The following PARP8 variants were observed in gnomAD, a reference collection of about 807,000 sequenced individuals.
The protein encoded by PARP8 is protein mono-ADP-ribosyltransferase PARP8.
In PARP8, 51 loss-of-function variants were observed where a neutral mutation model predicts 124.1. That is an observed-to-expected ratio of 0.41 (90% CI 0.33 to 0.52). PARP8 has a LOEUF of 0.52. PARP8 is among the 20% of genes least tolerant of loss of function. The pLI, the probability that PARP8 is intolerant of heterozygous loss-of-function variation, is 0.21. For missense variants in PARP8, 860 were observed against 1,018.9 expected, an observed-to-expected ratio of 0.84 and a Z score of 2.12; for synonymous variants, 391 against 361.5, an observed-to-expected ratio of 1.08 and a Z score of -0.93.
intron 22 of PARP8, 97 bp downstream of exon 22, chr5:50,830,058 A>G: frequency 2.4e-6 from 3 of 1,273,496 alleles, no homozygotes; most frequent in South Asian, 2.7e-5. Flanking sequence ...GCCTTATTAG[A>G]TATATTTTTA....
At chr5:50,768,011 ATGTGTGTG>A (rs371344583) in intron 7 of PARP8, among the ~76,000 whole-genome samples, 7 of 149,946 alleles carry the variant, frequency 4.7e-5, no homozygotes, top group Admixed American at 3.3e-4. Context: ...ATATACATAT[ATGTGTGTG>A]TGTGTGTGTG....
intron 25 of PARP8, among the ~76,000 whole-genome samples, chr5:50,836,359 A>G (rs564190763): frequency 1.1e-4 from 16 of 152,330 alleles, no homozygotes; most frequent in African/African-American, 3.8e-4. Context: ...GAATCCAAAC[A>G]AGAAACAGAT....
chr5:50,833,590 A>G (rs574712088), intron 23 of PARP8, among the ~76,000 whole-genome samples: 1 of 152,276 alleles, frequency 6.6e-6, no homozygotes, highest in Admixed American at 6.5e-5. Context: ...GCTATTAAAA[A>G]AATGGGTTGG....
At chr5:50,828,516 G>A (rs1485367156) in intron 21 of PARP8, 132 bp downstream of exon 21, 52 of 742,936 alleles carry the variant, frequency 7.0e-5, no homozygotes, top group East Asian at 6.6e-4. Context: ...ATTTCTAGTA[G>A]GCATACTAGA....
intron 2 of PARP8, among the ~76,000 whole-genome samples, chr5:50,727,283 C>T (rs940952401): frequency 2.0e-5 from 3 of 152,126 alleles, no homozygotes; most frequent in African/African-American, 7.2e-5. Flanking sequence ...TGAGTCAGAC[C>T]TGGCTTTTGC....
chr5:50,822,868 T>C lies in PARP8; in HGVS notation c.1860+468T>C, dbSNP rs528987147. On this transcript the variant is annotated intron_variant, in intron 17 of 25. Transcript: ENST00000281631. ...CCCGGAGAGTATGGGTTTATGTTTT[T>C]GGTCATTAAGGGAGGCTTTGGTGGA... is the stretch of plus-strand genomic sequence containing the variant. Among the ~76,000 whole-genome samples, 3 of 152,306 alleles carry C rather than the reference T, an allele frequency of 2.0e-5. No homozygotes were observed. The East Asian group carries it at 5.8e-4, about 29-fold the overall frequency.
At chr5:50,764,901 CA>C (rs1020937094) in intron 7 of PARP8, among the ~76,000 whole-genome samples, 4 of 151,282 alleles carry the variant, frequency 2.6e-5, no homozygotes, top group Non-Finnish European at 5.9e-5. Context: ...CGATATACAC[CA>C]AAATATGTCT....
At chr5:50,820,475 G>A (rs1010722031) in intron 15 of PARP8, among the ~76,000 whole-genome samples, 7 of 152,144 alleles carry the variant, frequency 4.6e-5, no homozygotes, top group Admixed American at 1.3e-4. Flanking sequence ...CTGCTATATA[G>A]TACTGCCTCT....
chr5:50,753,664 A>T (rs1405501731), intron 3 of PARP8, among the ~76,000 whole-genome samples: 1 of 152,044 alleles, frequency 6.6e-6, no homozygotes, highest in African/African-American at 2.4e-5. Flanking sequence ...TAAAATAGGG[A>T]TAATAATTGA....
At chr5:50,737,031 C>A (rs1211939878) in intron 2 of PARP8, among the ~76,000 whole-genome samples, 1 of 152,122 alleles carries the variant, frequency 6.6e-6, no homozygotes, top group Non-Finnish European at 1.5e-5. Context: ...AATGAAGAAA[C>A]TCTCTCCACC....
At chr5:50,825,310 CA>C (rs1315085735) in intron 18 of PARP8, among the ~76,000 whole-genome samples, 1 of 152,194 alleles carries the variant, frequency 6.6e-6, no homozygotes, top group African/African-American at 2.4e-5. Flanking sequence ...TTTTCTAGTT[CA>C]GTGAGGACTA....
intron 2 of PARP8, among the ~76,000 whole-genome samples, chr5:50,690,022 C>T (rs1752328510): frequency 6.6e-6 from 1 of 152,196 alleles, no homozygotes; most frequent in African/African-American, 2.4e-5. Context: ...TGCTCTTCTA[C>T]TTCTCTGTGA....
intron 16 of PARP8, 148 bp from the exon 17 acceptor site, chr5:50,822,187 C>A: frequency 1.5e-6 from 1 of 645,926 alleles, no homozygotes. Flanking sequence ...ATAGTCTTCC[C>A]TTTTATGTAC....
intron 1 of PARP8, chr5:50,667,856 C>T (rs1275571947): frequency 6.0e-5 from 82 of 1,361,044 alleles, no homozygotes; most frequent in Non-Finnish European, 7.5e-5. Context: ...CCATGGCACC[C>T]GGCACTTGTT....
chr5:50,818,570 G>A (rs1031847559), intron 15 of PARP8, among the ~76,000 whole-genome samples: 1 of 151,910 alleles, frequency 6.6e-6, no homozygotes, highest in Admixed American at 6.6e-5. Flanking sequence ...TTGGAGACAA[G>A]GTCTCACTGT....
At position 50,804,294 on chromosome 5, in the gene PARP8, C is replaced by T. The variant is rs564457536; in HGVS notation, c.1575+7061C>T. 2.1e-4 allele frequency among the ~76,000 whole-genome samples: 32 copies of T among 152,252 alleles called. No individual in the cohort carries two copies. In the South Asian group the frequency reaches 6.2e-3, roughly 30 times the overall value. Reference sequence around the variant, plus strand: ...CAGAAATAAAGACAAGTGTTTTCAGCGTGTCTTCCAGAGAACTATCAGACA... The same window carrying T: ...CAGAAATAAAGACAAGTGTTTTCAGTGTGTCTTCCAGAGAACTATCAGACA... On this transcript the variant is annotated intron_variant, in intron 14 of 25. Transcript: ENST00000281631.
At chr5:50,716,447 A>T (rs1755328779) in intron 2 of PARP8, among the ~76,000 whole-genome samples, 1 of 152,152 alleles carries the variant, frequency 6.6e-6, no homozygotes, top group South Asian at 2.1e-4. Flanking sequence ...TGAATTAAGA[A>T]CAAAAAGTAG....
intron 15 of PARP8, among the ~76,000 whole-genome samples, chr5:50,818,177 C>G (rs40648): frequency 0.48 from 52,041 of 108,634 alleles, 10,151 homozygotes; most frequent in South Asian, 0.64. Flanking sequence ...TATCATTTAG[C>G]CCCCCCCCCC....
intron 2 of PARP8, among the ~76,000 whole-genome samples, chr5:50,685,668 C>G (rs954560460): frequency 9.2e-5 from 14 of 152,164 alleles, no homozygotes; most frequent in Non-Finnish European, 1.5e-4. Flanking sequence ...AGTCTGTTTT[C>G]ATGCTGCTGA....
Sources: gnomAD v4.1 joint callset for allele counts (sites outside exome capture counted in the v4.1 genomes callset) on GRCh38, gnomAD v4.1.1 for gene constraint, MANE v1.5 for transcripts, NCBI Gene and HGNC (gene_info 2026-07-23, HGNC 2026-07-21) for gene names.